The following PCDHA1 variants were observed in gnomAD, a reference collection of about 807,000 sequenced individuals.
The protein encoded by PCDHA1 is protocadherin alpha 1, also known as protocadherin alpha-1.
A neutral mutation model predicts 61.3 loss-of-function variants in PCDHA1; 42 were observed. The observed-to-expected ratio is 0.69, with a 90% CI of 0.54 to 0.89. The LOEUF (loss-of-function observed/expected upper bound fraction) is 0.89, where lower values mean the gene tolerates loss of function less well. Ranked by LOEUF, PCDHA1 falls within the 40% of genes least tolerant of loss-of-function variation. The pLI is 0.00. For synonymous variants in PCDHA1, 610 were observed against 553.8 expected (o/e 1.10, Z -1.43); for missense variants, 1,256 against 1,235.3 (o/e 1.02, Z -0.25).
At position 140,834,371 on chromosome 5, in the gene PCDHA1, C is replaced by G. The variant is rs2150215996; in HGVS notation, c.2394+45687C>G. Reference sequence around the variant, plus strand: ...AAGTTTTGCTGACTAGAAAAACAAGCCAATAATTTGAAATGGTGTGCCCGA... The same window carrying G: ...AAGTTTTGCTGACTAGAAAAACAAGGCAATAATTTGAAATGGTGTGCCCGA... On this transcript the variant is annotated intron_variant, in intron 1 of 3. Coordinates refer to ENST00000504120, the MANE Select transcript of PCDHA1 (RefSeq NM_018900.4). 3.9e-6 allele frequency: 6 copies of G among 1,557,822 alleles called. No individual in the cohort carries two copies. In the African/African-American group the frequency reaches 8.2e-5, roughly 21 times the overall value.
chr5:140,808,376 C>T, intron 1 of PCDHA1: 1 of 1,614,202 alleles, frequency 6.2e-7, no homozygotes, highest in Non-Finnish European at 8.5e-7. Context: ...CCCCTTCAAG[C>T]TGGTGTCCAC....
intron 1 of PCDHA1, chr5:140,821,931 G>C: frequency 1.2e-6 from 2 of 1,614,176 alleles, no homozygotes; most frequent in Non-Finnish European, 8.5e-7. Context: ...AGGACCTAGG[G>C]CTGGAGCTGG....
At chr5:140,823,440 G>A in intron 1 of PCDHA1, 1 of 1,613,368 alleles carries the variant, frequency 6.2e-7, no homozygotes, top group Non-Finnish European at 8.5e-7. Context: ...TGTTCGTGCT[G>A]GACGAGAACG....
At chr5:140,824,561 C>G (rs1768165211) in intron 1 of PCDHA1, 1 of 173,514 alleles carries the variant, frequency 5.8e-6, no homozygotes, top group South Asian at 1.7e-4. Flanking sequence ...AAGTGATCCT[C>G]CTATCTCAGC....
In PCDHA1 at chr5:140,845,149, T is replaced by C. The variant is rs1779719048; in HGVS notation, c.2394+56465T>C. On this transcript the variant is annotated intron_variant, in intron 1 of 3. Coordinates refer to ENST00000504120, the MANE Select transcript of PCDHA1 (RefSeq NM_018900.4). ...TTTATTTGACTATTTGAACACATTGTGTAAAAGCGAATTGTTTTCATTTTA... is the reference window on the plus strand; with the variant it reads ...TTTATTTGACTATTTGAACACATTGCGTAAAAGCGAATTGTTTTCATTTTA... 1.3e-5 allele frequency among the ~76,000 whole-genome samples: 2 copies of C among 149,682 alleles called. 1 individual carries two copies. The highest frequency in any genetic ancestry group is 1.3e-4 in the Admixed American group (2 of 14,942).
chr5:140,786,811 C>T lies in PCDHA1; in HGVS notation c.521C>T (p.Pro174Leu), dbSNP rs141972872. 72 of 1,613,994 alleles carry T rather than the reference C, an allele frequency of 4.5e-5. No individual in the cohort carries two copies. The highest frequency in any genetic ancestry group is 2.0e-4 in the East Asian group (9 of 44,900). The stretch of plus-strand genomic sequence containing the variant: ...GCTCTTCTAACGTACACGCTCAGCC[C>T]GAGTGATTATTTCTCTTTGGATGTA... Reference protein sequence around the residue: ...ANALLTYTLSPSDYFSLDVEA... With the variant: ...ANALLTYTLSLSDYFSLDVEA... The change falls in exon 1 of 4, where the codon CCG becomes CTG. Residue 174 changes from proline (P) to leucine (L), a missense_variant. Transcript: ENST00000504120.
At chr5:141,009,462 A>G (rs1279658091) in intron 3 of PCDHA1, 165 bp from the exon 4 acceptor site, 2 of 954,512 alleles carry the variant, frequency 2.1e-6, no homozygotes, top group Non-Finnish European at 2.5e-6. Flanking sequence ...TAAACAAATA[A>G]ATAAATAAGT....
rs191892568 is a variant in PCDHA1, at chr5:140,903,945, C to T, written c.2395-75004C>T. 2.6e-5 allele frequency among the ~76,000 whole-genome samples: 4 copies of T among 152,280 alleles called. No homozygotes were observed. In the East Asian group the frequency reaches 5.8e-4, roughly 22 times the overall value. ...TGCATTGGATAATACCTCTTAAATA[C>T]TGGAAAATTATTTGTTGATTTTTGG... On this transcript the variant is annotated intron_variant, in intron 1 of 3. Transcript: ENST00000504120.
In PCDHA1 at chr5:141,011,214, T is replaced by C. The variant is rs2098419822; in HGVS notation, c.*1277T>C. On this transcript the variant is annotated 3_prime_UTR_variant, in exon 4 of 4. Transcript: ENST00000504120. ...ATTGTTTTCTCATACAGTGAGCAGA[T>C]TTTTCAATCTACTAATTCTGTGACT... 1 of 153,748 alleles carries C rather than the reference T, an allele frequency of 6.5e-6. No individual in the cohort carries two copies. Among genetic ancestry groups the C allele is most frequent in the African/African-American group, 2.4e-5 (1 of 41,448 alleles). The allele number at this position is 153,748 out of a possible 1,614,324, so 9.5% of individuals were successfully genotyped here. A position where few individuals can be genotyped will look rare whatever the true frequency, so the allele number is the denominator to read the frequency against.
In PCDHA1 at chr5:140,877,407, C is replaced by G. The variant is rs1554169686; in HGVS notation, c.2394+88723C>G. The G allele has an allele frequency of 1.2e-6, 2 of 1,613,824 alleles. No individual in the cohort carries two copies. The highest frequency in any genetic ancestry group is 2.7e-5 in the African/African-American group (2 of 74,928). On this transcript the variant is annotated intron_variant, in intron 1 of 3. Coordinates refer to ENST00000504120, the MANE Select transcript of PCDHA1 (RefSeq NM_018900.4). ...TGGATGAGGCGGACGCTCCGCGCCA[C>G]CGCCTGCTGGTGCTGGTGAAGGACC...
intron 1 of PCDHA1, among the ~76,000 whole-genome samples, chr5:140,931,965 CAT>C (rs1195736359): frequency 6.6e-6 from 1 of 151,852 alleles, no homozygotes; most frequent in African/African-American, 2.4e-5. Context: ...CATGTTGATG[CAT>C]ATGTGTTTAT....
chr5:140,941,963 T>A (rs2093209364), intron 1 of PCDHA1, among the ~76,000 whole-genome samples: 1 of 152,230 alleles, frequency 6.6e-6, no homozygotes. Flanking sequence ...CAATAGTATC[T>A]TTACTTTCCC....
intron 1 of PCDHA1, chr5:140,803,880 T>C (rs1458588945): frequency 5.5e-6 from 3 of 549,310 alleles, no homozygotes; most frequent in Non-Finnish European, 9.5e-6. Context: ...TATTTTTTCT[T>C]AGATGAATTG....
chr5:140,834,686 G>A (rs2150224361), intron 1 of PCDHA1: 2 of 1,614,276 alleles, frequency 1.2e-6, no homozygotes, highest in Non-Finnish European at 1.7e-6. Context: ...GGAGCGCGGA[G>A]TGCAGCATCC....
intron 1 of PCDHA1, chr5:140,803,301 G>C: frequency 6.2e-7 from 1 of 1,614,112 alleles, no homozygotes; most frequent in South Asian, 1.1e-5. Flanking sequence ...GTACTTGATC[G>C]TCGCCATCTG....
chr5:140,977,429 C>T (rs143756065), intron 1 of PCDHA1, among the ~76,000 whole-genome samples: 9 of 152,228 alleles, frequency 5.9e-5, no homozygotes, highest in South Asian at 2.1e-4. Context: ...CCTCTAACAC[C>T]GCTAGTAGAT....
chr5:140,843,901 A>G lies in PCDHA1; in HGVS notation c.2394+55217A>G. 3 of 653,454 alleles carry G rather than the reference A, an allele frequency of 4.6e-6. 1 individual carries two copies. The highest frequency in any genetic ancestry group is 7.7e-6 in the Non-Finnish European group (3 of 388,320). 40.5% of individuals were successfully genotyped at this position (653,454 alleles called of 1,614,324 possible). A position where few individuals can be genotyped will look rare whatever the true frequency, so the allele number is the denominator to read the frequency against. On this transcript the variant is annotated intron_variant, in intron 1 of 3. Transcript: ENST00000504120. ...CATAATACAGTATTAATCATTCTCC[A>G]CAAGTTGGGTCTATCTTGAAACTCA...
chr5:140,842,903 C>A lies in PCDHA1; in HGVS notation c.2394+54219C>A. The A allele has an allele frequency of 2.5e-6, 4 of 1,594,400 alleles. 1 individual carries two copies. The South Asian group carries it at 4.4e-5, about 18-fold the overall frequency. On this transcript the variant is annotated intron_variant, in intron 1 of 3. Transcript: ENST00000504120. Reference sequence around the variant, plus strand: ...GCTGCAGCCGCTGGACCACGAGGAGCTAGAGCTGCTGCAGTTCCAGGTGAG... The same window carrying A: ...GCTGCAGCCGCTGGACCACGAGGAGATAGAGCTGCTGCAGTTCCAGGTGAG...
In PCDHA1 at chr5:140,788,372, G is replaced by A. The variant is rs533356492; in HGVS notation, c.2082G>A (p.Val694=). 1.9e-6 allele frequency: 3 copies of A among 1,614,018 alleles called. No individual in the cohort carries two copies. Among genetic ancestry groups the A allele is most frequent in the African/African-American group, 2.7e-5 (2 of 75,074 alleles). ...TCGCGGGCCCAGAGGCGGCGCTGGTGGATGTCAACGTGTACCTGATCATCG... is the reference window on the plus strand; with the variant it reads ...TCGCGGGCCCAGAGGCGGCGCTGGTAGATGTCAACGTGTACCTGATCATCG... ...VGVAGPEAAL[V]DVNVYLIIAI... The change falls in exon 1 of 4, where the codon GTG becomes GTA. Residue 694 remains valine (V), a synonymous_variant. Coordinates refer to ENST00000504120, the MANE Select transcript of PCDHA1 (RefSeq NM_018900.4).
Sources: allele counts gnomAD v4.1 joint callset (sites outside exome capture counted in the v4.1 genomes callset), GRCh38; gene constraint gnomAD v4.1.1; transcripts MANE v1.5; gene names NCBI Gene and HGNC (gene_info 2026-07-23, HGNC 2026-07-21).